Variants in ZNF24 observed in about 807,000 individuals in gnomAD.
ZNF24 encodes the protein zinc finger protein 24.
In ZNF24, 11 loss-of-function variants were observed where a neutral mutation model predicts 40.9. The ratio of observed to expected loss-of-function variants is 0.27; its 90% CI spans 0.17 to 0.45. ZNF24 has a LOEUF of 0.45. Among genes scored for constraint, ZNF24 ranks in the 20% least tolerant of loss-of-function variants. ZNF24 has a pLI of 1.00. For synonymous variants in ZNF24, 139 were observed against 154.7 expected (o/e 0.90, Z 0.75); for missense variants, 293 against 437.7 (o/e 0.67, Z 2.95).
intron 3 of ZNF24, among the ~76,000 whole-genome samples, chr18:35,339,580 G>A (rs1309061806): frequency 2.0e-5 from 3 of 152,192 alleles, no homozygotes; most frequent in African/African-American, 7.2e-5. Context: ...CTGGCTCAAA[G>A]TAAGGCAAAT....
At position 35,335,078 on chromosome 18, in the gene ZNF24, G is replaced by A. The variant is rs536943110; in HGVS notation, c.*2154C>T. ...TAGGAACCGCATACGATCTTAAAAAGCATGACATAATAGCCATTGAGAGGT... is the reference window on the plus strand; with the variant it reads ...TAGGAACCGCATACGATCTTAAAAAACATGACATAATAGCCATTGAGAGGT... On this transcript the variant is annotated 3_prime_UTR_variant, in exon 4 of 4. Coordinates refer to ENST00000261332, the MANE Select transcript of ZNF24 (RefSeq NM_006965.4). 30 of 152,260 alleles carry A rather than the reference G, an allele frequency of 2.0e-4. No individual in the cohort carries two copies. Among genetic ancestry groups the A allele is most frequent in the African/African-American group, 7.0e-4 (29 of 41,562 alleles). 9.4% of individuals were successfully genotyped at this position (152,260 alleles called of 1,614,324 possible).
At chr18:35,338,034 A>T in intron 3 of ZNF24, 1 of 523,450 alleles carries the variant, frequency 1.9e-6, no homozygotes, top group Non-Finnish European at 2.7e-6. Context: ...GAAAGATGGT[A>T]GATTCTAAGA....
At chr18:35,341,176 A>G (rs998436164) in intron 1 of ZNF24, among the ~76,000 whole-genome samples, 3 of 152,200 alleles carry the variant, frequency 2.0e-5, no homozygotes, top group Non-Finnish European at 4.4e-5. Context: ...TGGCCTAAAA[A>G]AAACCCAACA....
Position 35,340,549 on chromosome 18 carries a change from G to A in ZNF24, c.102C>T (p.Gly34=), listed in dbSNP as rs147182914. ...TCCAGGGGATACTTGATCCCTCTTC[G>A]CCATCAGGATCCTCCTCCAACTTCA... is the stretch of plus-strand genomic sequence containing the variant. ...LRVKLEEDPD[G]EEGSSIPWNH... Residue 34 remains glycine (G), a synonymous_variant, in exon 2 of 4, where the codon GGC becomes GGT. Coordinates refer to ENST00000261332, the MANE Select transcript of ZNF24 (RefSeq NM_006965.4). This position sits in a 1 kb window ranked among gnomAD's most constrained non-coding sequence, Gnocchi z 4.6. 3.7e-4 allele frequency: 598 copies of A among 1,614,132 alleles called. 1 individual carries two copies. The African/African-American group carries it at 6.7e-3, about 18-fold the overall frequency.
Position 35,333,831 on chromosome 18 carries a change from T to C in ZNF24, c.*3401A>G, listed in dbSNP as rs534611776. The C allele has an allele frequency of 2.0e-5, 3 of 152,342 alleles. No individual in the cohort carries two copies. The highest frequency in any genetic ancestry group is 7.2e-5 in the African/African-American group (3 of 41,580). 9.4% of individuals were successfully genotyped at this position (152,342 alleles called of 1,614,324 possible). A position where few individuals can be genotyped will look rare whatever the true frequency, so the allele number is the denominator to read the frequency against. ...GGAATGTTAATTACACTTCTATCTA[T>C]AATGAACCTAATTATCAATCCATAG... On this transcript the variant is annotated 3_prime_UTR_variant, in exon 4 of 4. Coordinates refer to ENST00000261332, the MANE Select transcript of ZNF24 (RefSeq NM_006965.4).
rs2974908 is a variant in ZNF24, at chr18:35,340,685, G to A, written c.-35C>T. The A allele has an allele frequency of 0.018, 28,891 of 1,590,322 alleles. 4,155 individuals are homozygous for A. The African/African-American group carries it at 0.32, about 18-fold the overall frequency. On this transcript the variant is annotated 5_prime_UTR_variant, in exon 2 of 4. Transcript: ENST00000261332. The surrounding 1 kb of genome is among the most constrained non-coding windows in gnomAD (Gnocchi z 4.6). ...TAATATTTCAAGAAAAGACAACTGA[G>A]GCAGAATATAAGCCTCAGGGCAATA...
chr18:35,333,476 T>G lies in ZNF24; in HGVS notation c.*3756A>C, dbSNP rs1037456397. The G allele has an allele frequency of 6.6e-6, 1 of 152,090 alleles. No homozygotes were observed. Among genetic ancestry groups the G allele is most frequent in the Non-Finnish European group, 1.5e-5 (1 of 68,008 alleles). 9.4% of individuals were successfully genotyped at this position (152,090 alleles called of 1,614,324 possible). A position where few individuals can be genotyped will look rare whatever the true frequency, so the allele number is the denominator to read the frequency against. On this transcript the variant is annotated 3_prime_UTR_variant, in exon 4 of 4. Coordinates refer to ENST00000261332, the MANE Select transcript of ZNF24 (RefSeq NM_006965.4). The stretch of plus-strand genomic sequence containing the variant: ...TGTTTTTTATACAATGAGAAGGTAG[T>G]CATTAGACTTTCATAATTAAAAAAA...
rs2044868065 is a variant in ZNF24, at chr18:35,332,565, C to G, written c.*4667G>C. ...ATTCAGGCTTACATGGTCCTTGGTT[C>G]CTGGGATCTCCATAAAGCCTTCTTT... is the stretch of plus-strand genomic sequence containing the variant. On this transcript the variant is annotated 3_prime_UTR_variant, in exon 4 of 4. Coordinates refer to ENST00000261332, the MANE Select transcript of ZNF24 (RefSeq NM_006965.4). The G allele has an allele frequency of 1.3e-5, 2 of 152,594 alleles. No homozygotes were observed. The highest frequency in any genetic ancestry group is 2.1e-4 in the South Asian group (1 of 4,828). 9.5% of individuals were successfully genotyped at this position (152,594 alleles called of 1,614,324 possible).
At position 35,337,054 on chromosome 18, in the gene ZNF24, G is replaced by T. The variant is rs188417421; in HGVS notation, c.*178C>A. On this transcript the variant is annotated 3_prime_UTR_variant, in exon 4 of 4. Transcript: ENST00000261332. ...AAAATTTCAGTTTCTAGGCAGGTATGACACCATTTCTTTCAAGATAAATAT... is the reference window on the plus strand; with the variant it reads ...AAAATTTCAGTTTCTAGGCAGGTATTACACCATTTCTTTCAAGATAAATAT... The T allele has an allele frequency of 2.5e-5, 13 of 517,672 alleles. No individual in the cohort carries two copies. Among genetic ancestry groups the T allele is most frequent in the Non-Finnish European group, 3.4e-5 (11 of 323,602 alleles). 32.1% of individuals were successfully genotyped at this position (517,672 alleles called of 1,614,324 possible). A position where few individuals can be genotyped will look rare whatever the true frequency, so the allele number is the denominator to read the frequency against.
In ZNF24 at chr18:35,335,744, A is replaced by T. The variant is rs1026693633; in HGVS notation, c.*1488T>A. The stretch of plus-strand genomic sequence containing the variant: ...ACAATGTATTACTTTAATACATTTT[A>T]AAAAATGTGTTAAGACTGAAAATTA... On this transcript the variant is annotated 3_prime_UTR_variant, in exon 4 of 4. Coordinates refer to ENST00000261332, the MANE Select transcript of ZNF24 (RefSeq NM_006965.4). 7 of 152,330 alleles carry T rather than the reference A, an allele frequency of 4.6e-5. 1 individual carries two copies. Among genetic ancestry groups the T allele is most frequent in the East Asian group, 1.9e-4 (1 of 5,192 alleles). 9.4% of individuals were successfully genotyped at this position (152,330 alleles called of 1,614,324 possible).
chr18:35,340,143 T>G lies in ZNF24; in HGVS notation c.420+88A>C. The G allele has an allele frequency of 2.6e-6, 4 of 1,525,840 alleles. No homozygotes were observed. The highest frequency in any genetic ancestry group is 2.7e-6 in the Non-Finnish European group (3 of 1,123,754). 94.5% of individuals were successfully genotyped at this position (1,525,840 alleles called of 1,614,324 possible). Reference sequence around the variant, plus strand: ...GGGGGAAAAGGCATAAACATAATTCTAACTTAGTTGAGTGGAATTAATTCA... The same window carrying G: ...GGGGGAAAAGGCATAAACATAATTCGAACTTAGTTGAGTGGAATTAATTCA... On this transcript the variant is annotated intron_variant, in intron 2 of 3. Coordinates refer to ENST00000261332, the MANE Select transcript of ZNF24 (RefSeq NM_006965.4). The surrounding 1 kb of genome is among the most constrained non-coding windows in gnomAD (Gnocchi z 4.6).
chr18:35,343,332 T>TG (rs2044986315), intron 1 of ZNF24, among the ~76,000 whole-genome samples: 1 of 152,222 alleles, frequency 6.6e-6, no homozygotes, highest in Non-Finnish European at 1.5e-5. Context: ...CTTCCTGCAG[T>TG]GGTCCAGTGT....
chr18:35,338,929 T>A, intron 3 of ZNF24: 1 of 1,483,138 alleles, frequency 6.7e-7, no homozygotes, highest in South Asian at 1.3e-5. Context: ...CCATGAAACA[T>A]GTAAAACTGC....
rs1167087009 is a variant in ZNF24, at chr18:35,334,601, A to G, written c.*2631T>C. ...TGGGCAGATATCAGCAATCTGCATG[A>G]CCTAAAATGACTGCTCATTTGCTAA... On this transcript the variant is annotated 3_prime_UTR_variant, in exon 4 of 4. Transcript: ENST00000261332. 2.0e-5 allele frequency: 3 copies of G among 152,192 alleles called. No homozygotes were observed. The highest frequency in any genetic ancestry group is 7.2e-5 in the African/African-American group (3 of 41,450). 9.4% of individuals were successfully genotyped at this position (152,192 alleles called of 1,614,324 possible).
rs1319986710 is a variant in ZNF24 at position 35,337,349 on chromosome 18, A to G, written c.990T>C (p.Thr330=). ...SGLINHQRIH[T]GEKPYECVQC... is the part of the protein sequence containing the mutation. ...GAACGCATTCATAAGGTTTCTCCCC[A>G]GTATGGATTCTCTGATGATTAATAA... The change falls in exon 4 of 4, where the codon ACT becomes ACC. Residue 330 remains threonine, a synonymous_variant. Coordinates refer to ENST00000261332, the MANE Select transcript of ZNF24 (RefSeq NM_006965.4). 72 of 1,613,948 alleles carry G rather than the reference A, an allele frequency of 4.5e-5. No individual in the cohort carries two copies. The highest frequency in any genetic ancestry group is 6.0e-5 in the Non-Finnish European group (71 of 1,179,974).
At position 35,334,938 on chromosome 18, in the gene ZNF24, A is replaced by C. The variant is rs2044891290; in HGVS notation, c.*2294T>G. On this transcript the variant is annotated 3_prime_UTR_variant, in exon 4 of 4. Transcript: ENST00000261332. ...CCTTTCTGAACAATGCAGATATTAGAGCTGCCAAGACAAAAACAGTATTTG... is the reference window on the plus strand; with the variant it reads ...CCTTTCTGAACAATGCAGATATTAGCGCTGCCAAGACAAAAACAGTATTTG... 6.6e-6 allele frequency: 1 copy of C among 152,152 alleles called. No individual in the cohort carries two copies. The highest frequency in any genetic ancestry group is 2.4e-5 in the African/African-American group (1 of 41,430). The allele number at this position is 152,152 out of a possible 1,614,324, so 9.4% of individuals were successfully genotyped here.
chr18:35,338,728 G>T, intron 3 of ZNF24: 1 of 1,173,930 alleles, frequency 8.5e-7, no homozygotes, highest in Non-Finnish European at 1.1e-6. Context: ...AAAAACAGAG[G>T]AGCGTGAAGA....
At chr18:35,337,866 A>C in intron 3 of ZNF24, 96 bp from the exon 4 acceptor site, 1 of 1,064,368 alleles carries the variant, frequency 9.4e-7, no homozygotes, top group Middle Eastern at 3.1e-4. Context: ...AATAGCTAGC[A>C]CACATCTATA....
chr18:35,341,424 C>T (rs1029195725), intron 1 of ZNF24, among the ~76,000 whole-genome samples: 4 of 152,156 alleles, frequency 2.6e-5, no homozygotes, highest in Non-Finnish European at 5.9e-5. Context: ...CAATAATAAA[C>T]GACTATGTTA....
Sources: allele counts gnomAD v4.1 joint callset (sites outside exome capture counted in the v4.1 genomes callset), GRCh38; gene constraint gnomAD v4.1.1; non-coding constraint Gnocchi (gnomAD v3.1); transcripts MANE v1.5; gene names NCBI Gene and HGNC (gene_info 2026-07-23, HGNC 2026-07-21).